Variants in SMAD6 observed in about 807,000 individuals in gnomAD.
SMAD6 encodes the protein SMAD family member 6, also known as MAD homolog 6.
SMAD6 carries 103 observed loss-of-function variants against 39.4 expected under a neutral mutation model. The observed-to-expected ratio is 2.62, with a 90% confidence interval of 2.23 to 3.08. SMAD6 has a LOEUF of 3.08. Among genes scored for constraint, SMAD6 ranks in the 30% most tolerant of loss-of-function variants. SMAD6 has a pLI of 0.00. For synonymous variants in SMAD6, 445 were observed against 353.3 expected (o/e 1.26, Z -2.91); for missense variants, 1,104 against 742.9 (o/e 1.49, Z -5.65).
rs75033273 is a variant in SMAD6 at position 66,730,967 on chromosome 15, G to T, written c.952+14469G>T. ...TTCTATCAGTGAGCTCAGAGACTGG[G>T]TGGAGAAATGAGAAGCCCTCATGAG... On this transcript the variant is annotated intron_variant, in intron 3 of 3. Transcript: ENST00000288840. Among the ~76,000 whole-genome samples, 211 of 152,320 alleles carry T rather than the reference G, an allele frequency of 1.4e-3. 4 individuals carry two copies. In the East Asian group the frequency reaches 0.039, roughly 28 times the overall value.
At chr15:66,707,146 C>T (rs192462541) in intron 1 of SMAD6, 86 of 152,330 alleles carry the variant, frequency 5.6e-4, no homozygotes, top group African/African-American at 2.0e-3. Flanking sequence ...TCGCTGAGCT[C>T]GGTGGGTGCC....
chr15:66,714,582 T>C (rs1406554828), intron 2 of SMAD6, among the ~76,000 whole-genome samples: 7 of 152,184 alleles, frequency 4.6e-5, no homozygotes, highest in Admixed American at 2.6e-4. Flanking sequence ...TATTAACCTC[T>C]GGCCCTTTAT....
intron 3 of SMAD6, among the ~76,000 whole-genome samples, chr15:66,736,275 A>G (rs909211224): frequency 1.3e-5 from 2 of 152,248 alleles, no homozygotes; most frequent in East Asian, 1.9e-4. Context: ...AAAGTTTCAC[A>G]TGAGTTGTAG....
intron 1 of SMAD6, among the ~76,000 whole-genome samples, chr15:66,710,653 G>T (rs966505170): frequency 6.6e-6 from 1 of 152,092 alleles, no homozygotes; most frequent in African/African-American, 2.4e-5. Flanking sequence ...TTCATTTACC[G>T]AAAATGAAGG....
intron 3 of SMAD6, among the ~76,000 whole-genome samples, chr15:66,725,025 C>G (rs1345581846): frequency 3.3e-5 from 5 of 152,198 alleles, no homozygotes; most frequent in African/African-American, 7.2e-5. Flanking sequence ...CCCCCTCCTC[C>G]TATCCCCACT....
rs546296270 is a variant in SMAD6, at chr15:66,713,468, C to T, written c.874+1744C>T. 1.4e-4 allele frequency among the ~76,000 whole-genome samples: 21 copies of T among 152,258 alleles called. No homozygotes were observed. The East Asian group carries it at 2.7e-3, about 20-fold the overall frequency. On this transcript the variant is annotated intron_variant, in intron 2 of 3. Transcript: ENST00000288840. ...CCAAGTAGCTGGGACTGCAGGCACG[C>T]GCCACCACGCCTGGCTAATTTTTGT...
intron 3 of SMAD6, among the ~76,000 whole-genome samples, chr15:66,776,017 A>C (rs1894461635): frequency 6.6e-6 from 1 of 152,244 alleles, no homozygotes; most frequent in Non-Finnish European, 1.5e-5. Context: ...TGTGTTGGAC[A>C]CACCGCATGA....
intron 3 of SMAD6, among the ~76,000 whole-genome samples, chr15:66,752,040 CT>C (rs34057337): frequency 0.41 from 49,758 of 121,540 alleles, 9,300 homozygotes; most frequent in Admixed American, 0.5. Context: ...TTAATGGCAC[CT>C]TTTTTTTTTT....
intron 3 of SMAD6, among the ~76,000 whole-genome samples, chr15:66,766,540 T>C (rs1374952077): frequency 6.6e-6 from 1 of 152,170 alleles, no homozygotes; most frequent in East Asian, 1.9e-4. Flanking sequence ...AGATGCTCAG[T>C]AGCCACTGGA....
At chr15:66,762,900 A>T (rs1894225050) in intron 3 of SMAD6, among the ~76,000 whole-genome samples, 1 of 152,054 alleles carries the variant, frequency 6.6e-6, no homozygotes, top group Non-Finnish European at 1.5e-5. Context: ...AGGAGTTGGT[A>T]GAGGGAGAGA....
At position 66,713,803 on chromosome 15, in the gene SMAD6, C is replaced by T. The variant is rs551812303; in HGVS notation, c.874+2079C>T. Among the ~76,000 whole-genome samples, 14 of 152,306 alleles carry T rather than the reference C, an allele frequency of 9.2e-5. No homozygotes were observed. In the South Asian group the frequency reaches 2.7e-3, roughly 29 times the overall value. ...GAGTCAGCCACCAAACCATGGTGGC[C>T]ACCCTATTGTTGTTCCAGAAGTAGG... On this transcript the variant is annotated intron_variant, in intron 2 of 3. Coordinates refer to ENST00000288840, the MANE Select transcript of SMAD6 (RefSeq NM_005585.5).
intron 2 of SMAD6, 51 bp from the exon 3 acceptor site, chr15:66,716,367 AAAG>A: frequency 1.5e-6 from 2 of 1,306,922 alleles, no homozygotes; most frequent in Non-Finnish European, 1.1e-6. Context: ...AAAGAAGAAA[AAAG>A]AGAGCGCTGC....
chr15:66,775,237 C>A (rs1217621789), intron 3 of SMAD6, among the ~76,000 whole-genome samples: 3 of 152,112 alleles, frequency 2.0e-5, no homozygotes, highest in Non-Finnish European at 4.4e-5. Flanking sequence ...CACCGCGAAC[C>A]CTGTGTCTGG....
intron 3 of SMAD6, among the ~76,000 whole-genome samples, chr15:66,739,592 A>G (rs1017550249): frequency 6.6e-6 from 1 of 152,000 alleles, no homozygotes; most frequent in African/African-American, 2.4e-5. Flanking sequence ...AAATATACCT[A>G]TTTGCTCTTG....
intron 3 of SMAD6, among the ~76,000 whole-genome samples, chr15:66,741,536 A>G (rs1014551257): frequency 4.3e-4 from 65 of 152,220 alleles, no homozygotes; most frequent in African/African-American, 1.5e-3. Context: ...ACCCAATGTT[A>G]TATGGAAACT....
At chr15:66,775,572 A>C (rs1595801382) in intron 3 of SMAD6, among the ~76,000 whole-genome samples, 1 of 152,228 alleles carries the variant, frequency 6.6e-6, no homozygotes, top group African/African-American at 2.4e-5. Context: ...CTCCCAGGCT[A>C]GTGCCACTCT....
At chr15:66,709,778 C>G (rs191024427) in intron 1 of SMAD6, among the ~76,000 whole-genome samples, 67 of 152,348 alleles carry the variant, frequency 4.4e-4, no homozygotes, top group Middle Eastern at 3.4e-3. Flanking sequence ...GTCTCCTTCT[C>G]TGTACAGTGG....
At chr15:66,754,198 G>T (rs1276930168) in intron 3 of SMAD6, among the ~76,000 whole-genome samples, 1 of 152,134 alleles carries the variant, frequency 6.6e-6, no homozygotes, top group East Asian at 1.9e-4. Flanking sequence ...CTCAGTAAGT[G>T]GGCCAACCTC....
rs111889852 is a variant in SMAD6 at position 66,768,023 on chromosome 15, G to A, written c.953-12974G>A. ...CTTGTTCTGTTGGCCAGGCTGGAGT[G>A]CAGTGGTGCCACCACGGTTCACTGC... On this transcript the variant is annotated intron_variant, in intron 3 of 3. Coordinates refer to ENST00000288840, the MANE Select transcript of SMAD6 (RefSeq NM_005585.5). Among the ~76,000 whole-genome samples, 6 of 134,396 alleles carry A rather than the reference G, an allele frequency of 4.5e-5. No homozygotes were observed. In the East Asian group the frequency reaches 1.4e-3, roughly 31 times the overall value. 88.2% of individuals were successfully genotyped at this position (134,396 alleles called of 152,430 possible). A position where few individuals can be genotyped will look rare whatever the true frequency, so the allele number is the denominator to read the frequency against.
Sources: allele counts gnomAD v4.1 joint callset (sites outside exome capture counted in the v4.1 genomes callset), GRCh38; gene constraint gnomAD v4.1.1; transcripts MANE v1.5; gene names NCBI Gene and HGNC (gene_info 2026-07-23, HGNC 2026-07-21).